Variants in MTR observed in about 807,000 individuals in gnomAD.
MTR encodes the protein 5-methyltetrahydrofolate-homocysteine methyltransferase.
In MTR, 84 loss-of-function variants were observed where a neutral mutation model predicts 154.8. The ratio of observed to expected loss-of-function variants is 0.54; its 90% confidence interval spans 0.45 to 0.65. The LOEUF (loss-of-function observed/expected upper bound fraction) is 0.65. Among genes scored for constraint, MTR ranks in the 30% least tolerant of loss-of-function variants. MTR has a pLI of 0.00. For missense variants in MTR, 1,275 were observed against 1,570.2 expected, an observed-to-expected ratio of 0.81 and a Z score of 3.18; for synonymous variants, 554 against 553.9, an observed-to-expected ratio of 1.00 and a Z score of 0.00.
rs748496316 is a variant in MTR at position 236,885,172 on chromosome 1, A to G, written c.2728A>G (p.Met910Val). Residue 910 changes from methionine (M) to valine (V), a missense_variant, in exon 26 of 33, where the codon ATG (methionine) becomes GTG (valine). Met to Val is a conservative substitution (Grantham distance 21). Transcript: ENST00000366577. ...AAAGGATGAATACTTTGAGGAAATC[A>G]TGGAAGAATATGAAGATATTAGACA... ...NLKDEYFEEI[M>V]EEYEDIRQDH... is the part of the protein sequence containing the mutation. 1.7e-5 allele frequency: 28 copies of G among 1,610,060 alleles called. No homozygotes were observed. The highest frequency in any genetic ancestry group is 2.3e-5 in the Non-Finnish European group (27 of 1,176,470).
At chr1:236,800,513 C>T in intron 1 of MTR, 3 of 973,470 alleles carry the variant, frequency 3.1e-6, no homozygotes, top group South Asian at 4.8e-5. Context: ...CTCATTCCTC[C>T]TGTGAAATTA....
chr1:236,878,073 T>C (rs1665528834), intron 24 of MTR, among the ~76,000 whole-genome samples: 2 of 152,162 alleles, frequency 1.3e-5, no homozygotes, highest in African/African-American at 4.8e-5. Context: ...TTATAGTAGT[T>C]ACAAGTCCTT....
At chr1:236,897,310 G>GCGTGCGCGCACACACACACA in intron 32 of MTR, among the ~76,000 whole-genome samples, 192 bp downstream of exon 32, 4 of 128,682 alleles carry the variant, frequency 3.1e-5, no homozygotes, top group South Asian at 5.5e-4. Flanking sequence ...CCACACACAC[G>GCGTGCGCGCACACACACACA]CACACACACA....
intron 1 of MTR, among the ~76,000 whole-genome samples, chr1:236,802,785 T>C (rs1007710141): frequency 6.6e-6 from 1 of 152,128 alleles, no homozygotes; most frequent in African/African-American, 2.4e-5. Context: ...GTGACTCCAG[T>C]CAGCATAGTT....
In MTR at chr1:236,891,306, A is replaced by G. The variant is rs781259445; in HGVS notation, c.3181A>G (p.Thr1061Ala). The change falls in exon 29 of 33, where the codon ACC becomes GCC. Residue 1061 changes from threonine (T) to alanine (A), a missense_variant. Transcript: ENST00000366577. The part of the protein sequence containing the change: ...AVPQAAEPIA[T>A]FYGLRQQAEK... ...GCCCCAGGCTGCAGAGCCCATAGCC[A>G]CCTTCTATGGGTTAAGGCAACAGGT... The G allele has an allele frequency of 6.2e-7, 1 of 1,614,106 alleles. No homozygotes were observed. Among genetic ancestry groups the G allele is most frequent in the Non-Finnish European group, 8.5e-7 (1 of 1,180,010 alleles).
At position 236,809,693 on chromosome 1, in the gene MTR, A is replaced by G. The variant is rs367606132; in HGVS notation, c.410-810A>G. 5.9e-5 allele frequency among the ~76,000 whole-genome samples: 9 copies of G among 152,300 alleles called. No individual in the cohort carries two copies. In the East Asian group the frequency reaches 1.2e-3, roughly 20 times the overall value. ...ATGCAAAAGAATATTTGGGCCTGTAACCTGTTCAAAAGCTGGTTTATCAAT... is the reference window on the plus strand; with the variant it reads ...ATGCAAAAGAATATTTGGGCCTGTAGCCTGTTCAAAAGCTGGTTTATCAAT... On this transcript the variant is annotated intron_variant, in intron 4 of 32. Transcript: ENST00000366577.
rs6680753 is a variant in MTR, at chr1:236,902,814, A to G, written c.*5170A>G. On this transcript the variant is annotated 3_prime_UTR_variant, in exon 33 of 33. Coordinates refer to ENST00000366577, the MANE Select transcript of MTR (RefSeq NM_000254.3). ...TGATACTTTCTTTACCGTCCCGTGA[A>G]GACAGCATATTGGCAGCCCTGCAAA... 2,995 of 152,268 alleles carry G rather than the reference A, an allele frequency of 0.02. 53 individuals carry two copies. Among genetic ancestry groups the G allele is most frequent in the Non-Finnish European group, 0.027 (1,858 of 68,070 alleles). The allele number at this position is 152,268 out of a possible 1,614,324, so 9.4% of individuals were successfully genotyped here. A position where few individuals can be genotyped will look rare whatever the true frequency, so the allele number is the denominator to read the frequency against.
At chr1:236,856,058 A>G (rs1442124424) in intron 18 of MTR, among the ~76,000 whole-genome samples, 1 of 152,182 alleles carries the variant, frequency 6.6e-6, no homozygotes, top group Non-Finnish European at 1.5e-5. Context: ...ACAACCTCCA[A>G]CACTTCAGTG....
At chr1:236,836,394 C>T (rs1662906723) in intron 14 of MTR, among the ~76,000 whole-genome samples, 1 of 151,976 alleles carries the variant, frequency 6.6e-6, no homozygotes, top group African/African-American at 2.4e-5. Flanking sequence ...CACAGGCACG[C>T]ATCATTTAAA....
At chr1:236,829,342 T>C in intron 12 of MTR, 74 bp downstream of exon 12, 2 of 1,257,436 alleles carry the variant, frequency 1.6e-6, no homozygotes, top group Non-Finnish European at 2.3e-6. Flanking sequence ...GTGGTAGTGA[T>C]GTTTGTGCTA....
In MTR at chr1:236,874,708, TA is replaced by T. The variant is rs546254033; in HGVS notation, c.2474-4del. 0.019 allele frequency: 23,189 copies of T among 1,191,658 alleles called. 9 individuals are homozygous for T. The highest frequency in any genetic ancestry group is 0.062 in the Middle Eastern group (231 of 3,712). The allele number at this position is 1,191,658 out of a possible 1,614,324, so 73.8% of individuals were successfully genotyped here. ...ACTGTCCTTTTTGTCCTTTTTTTTT[TA>T]AAAAAAAAAAAAATAGATATAATTG... is the stretch of plus-strand genomic sequence containing the variant. On this transcript the variant is annotated splice_polypyrimidine_tract_variant and intron_variant, in intron 23 of 32. Coordinates refer to ENST00000366577, the MANE Select transcript of MTR (RefSeq NM_000254.3).
In MTR at chr1:236,899,525, G is replaced by A. The variant is rs1490005407; in HGVS notation, c.*1881G>A. 2.0e-5 allele frequency: 3 copies of A among 152,180 alleles called. No homozygotes were observed. The highest frequency in any genetic ancestry group is 4.4e-5 in the Non-Finnish European group (3 of 68,024). 9.4% of individuals were successfully genotyped at this position (152,180 alleles called of 1,614,324 possible). On this transcript the variant is annotated 3_prime_UTR_variant, in exon 33 of 33. Coordinates refer to ENST00000366577, the MANE Select transcript of MTR (RefSeq NM_000254.3). ...TTACCTGGTGATAAGTTCCAAATAT[G>A]TTAAGGGCTTTAATACAAAAAGCAA...
chr1:236,839,634 ATAACT>A (rs1409496288), intron 15 of MTR, among the ~76,000 whole-genome samples: 3 of 152,226 alleles, frequency 2.0e-5, no homozygotes, highest in Non-Finnish European at 2.9e-5. Context: ...TATACTTCAC[ATAACT>A]TTGTATGAAT....
chr1:236,800,047 C>G, intron 1 of MTR: 5 of 984,944 alleles, frequency 5.1e-6, no homozygotes, highest in Non-Finnish European at 6.0e-6. Flanking sequence ...AAAAACAAAG[C>G]TTATTATTTC....
At chr1:236,887,651 C>T (rs1266164) in intron 27 of MTR, among the ~76,000 whole-genome samples, 41,890 of 152,206 alleles carry the variant, frequency 0.28, 7,103 homozygotes, top group Non-Finnish European at 0.37. Context: ...TTTTAGTGGC[C>T]GCTTTAACCT....
chr1:236,889,442 T>G (rs904439956), intron 28 of MTR, 106 bp downstream of exon 28: 2 of 1,490,638 alleles, frequency 1.3e-6, no homozygotes, highest in South Asian at 2.3e-5. Flanking sequence ...TTGTGCAGAT[T>G]ACGGCTGCTT....
At chr1:236,851,495 A>G (rs532302176) in intron 16 of MTR, among the ~76,000 whole-genome samples, 1 of 152,350 alleles carries the variant, frequency 6.6e-6, no homozygotes, top group Admixed American at 6.5e-5. Context: ...TTAATGAATC[A>G]ACAGTAAATA....
In MTR at chr1:236,902,405, TTC is replaced by T. The variant is rs1391970481; in HGVS notation, c.*4765_*4766del. The T allele has an allele frequency of 6.6e-6, 1 of 152,252 alleles. No individual in the cohort carries two copies. The highest frequency in any genetic ancestry group is 1.5e-5 in the Non-Finnish European group (1 of 68,078). The allele number at this position is 152,252 out of a possible 1,614,324, so 9.4% of individuals were successfully genotyped here. Reference sequence around the variant, plus strand: ...CAGCCCTTGCTGAAACTTCATCTAGTTCTCTGTTAGACTTAACATTCCCTAAG... The same window carrying T: ...CAGCCCTTGCTGAAACTTCATCTAGTTCTGTTAGACTTAACATTCCCTAAG... On this transcript the variant is annotated 3_prime_UTR_variant, in exon 33 of 33. Transcript: ENST00000366577.
chr1:236,859,783 T>G, intron 18 of MTR, 50 bp from the exon 19 acceptor site: 1 of 1,417,748 alleles, frequency 7.1e-7, no homozygotes, highest in Non-Finnish European at 1.0e-6. Flanking sequence ...CATCAAACAG[T>G]TTGGTTAGTG....
Sources: allele counts gnomAD v4.1 joint callset (sites outside exome capture counted in the v4.1 genomes callset), GRCh38; gene constraint gnomAD v4.1.1; transcripts MANE v1.5; gene names NCBI Gene and HGNC (gene_info 2026-07-23, HGNC 2026-07-21).